TRAPPC9: variants seen among roughly 807,000 people sequenced by gnomAD.
TRAPPC9 encodes trafficking protein particle complex subunit 9, also known as IKK2 binding protein.
Under a neutral mutation model 124.0 loss-of-function variants are expected in TRAPPC9, and 83 were observed. That is an observed-to-expected ratio of 0.67 (90% CI 0.56 to 0.80). The LOEUF (loss-of-function observed/expected upper bound fraction) is 0.80, where lower values mean the gene tolerates loss of function less well. Ranked by LOEUF, TRAPPC9 falls within the 30% of genes least tolerant of loss-of-function variation. The probability of loss-of-function intolerance (pLI) is 0.00; values close to 1 mark genes in which losing one functional copy is unlikely to be tolerated. For missense variants in TRAPPC9, 1,302 were observed against 1,508.3 expected, an observed-to-expected ratio of 0.86 and a Z score of 2.27; for synonymous variants, 638 against 617.5, an observed-to-expected ratio of 1.03 and a Z score of -0.49.
intron 6 of TRAPPC9, among the ~76,000 whole-genome samples, chr8:140,401,748 C>CT (rs1297561199): frequency 1.3e-5 from 2 of 152,016 alleles, no homozygotes; most frequent in African/African-American, 4.8e-5. Flanking sequence ...TTCAGCCTCA[C>CT]TGGTACCTGA....
intron 20 of TRAPPC9, among the ~76,000 whole-genome samples, chr8:139,886,594 C>T (rs771598550): frequency 2.0e-5 from 3 of 152,208 alleles, no homozygotes; most frequent in Non-Finnish European, 4.4e-5. Context: ...CCTTTTCCTA[C>T]ATAAGTTAAA....
At chr8:139,864,269 CAT>C (rs892188948) in intron 21 of TRAPPC9, among the ~76,000 whole-genome samples, 1 of 152,192 alleles carries the variant, frequency 6.6e-6, no homozygotes, top group Non-Finnish European at 1.5e-5. Context: ...CTACCAACAA[CAT>C]ATGTTTTCTC....
intron 16 of TRAPPC9, among the ~76,000 whole-genome samples, chr8:140,224,066 C>T (rs1378630014): frequency 6.6e-6 from 1 of 152,166 alleles, no homozygotes; most frequent in Non-Finnish European, 1.5e-5. Context: ...TGATCAAGCA[C>T]TTAAGAGCAG....
In TRAPPC9 at chr8:139,944,144, G is replaced by C. The variant is rs1474903647; in HGVS notation, c.2811-33844C>G. On this transcript the variant is annotated intron_variant, in intron 19 of 22. Coordinates refer to ENST00000438773, the MANE Select transcript of TRAPPC9 (RefSeq NM_001160372.4). ...ATGAAAATATCCCTCAGAAATGAAA[G>C]CAAAATAAAAACATTTCAGATTAAA... is the stretch of plus-strand genomic sequence containing the variant. 3.9e-5 allele frequency among the ~76,000 whole-genome samples: 6 copies of C among 152,060 alleles called. No homozygotes were observed. In the East Asian group the frequency reaches 1.2e-3, roughly 29 times the overall value.
chr8:140,067,123 T>C (rs1842930349), intron 17 of TRAPPC9, among the ~76,000 whole-genome samples: 1 of 152,128 alleles, frequency 6.6e-6, no homozygotes, highest in South Asian at 2.1e-4. Flanking sequence ...ACCCATTTCT[T>C]TCTAATTCAA....
chr8:140,314,470 C>A (rs1049656334), intron 9 of TRAPPC9, among the ~76,000 whole-genome samples: 1 of 152,168 alleles, frequency 6.6e-6, no homozygotes, highest in Non-Finnish European at 1.5e-5. Context: ...ATTCAAATTC[C>A]TCTCTTCTAG....
chr8:140,217,925 A>G (rs2063235320), intron 17 of TRAPPC9, among the ~76,000 whole-genome samples: 2 of 152,122 alleles, frequency 1.3e-5, no homozygotes, highest in South Asian at 4.1e-4. Context: ...GCTGAGGCAC[A>G]AGAATCACTT....
intron 18 of TRAPPC9, among the ~76,000 whole-genome samples, chr8:139,994,871 G>C (rs1563674054): frequency 6.6e-6 from 1 of 151,848 alleles, no homozygotes. Flanking sequence ...GAGTGGTGTA[G>C]GAGTAAAAAC....
chr8:139,977,714 T>G (rs1836580851), intron 19 of TRAPPC9, among the ~76,000 whole-genome samples: 2 of 151,096 alleles, frequency 1.3e-5, no homozygotes, highest in South Asian at 4.2e-4. Context: ...GGAGTCTCAC[T>G]CTGTTGCCCA....
At chr8:139,863,746 C>T (rs888009500) in intron 21 of TRAPPC9, among the ~76,000 whole-genome samples, 1 of 152,242 alleles carries the variant, frequency 6.6e-6, no homozygotes, top group Non-Finnish European at 1.5e-5. Flanking sequence ...GGGACAACCC[C>T]GAACATCACC....
chr8:140,034,452 G>C, intron 17 of TRAPPC9, among the ~76,000 whole-genome samples: 1 of 152,202 alleles, frequency 6.6e-6, no homozygotes, highest in East Asian at 1.9e-4. Context: ...CAGGCTGGCT[G>C]CACCTCCTCA....
chr8:140,374,501 C>T (rs1053779474), intron 7 of TRAPPC9, among the ~76,000 whole-genome samples: 4 of 151,602 alleles, frequency 2.6e-5, no homozygotes, highest in Middle Eastern at 3.4e-3. Context: ...ACCCAGGAGG[C>T]GGAGGTTGCA....
intron 19 of TRAPPC9, among the ~76,000 whole-genome samples, chr8:139,977,837 C>T (rs563028482): frequency 2.6e-5 from 4 of 151,756 alleles, no homozygotes; most frequent in South Asian, 2.1e-4. Context: ...TGTGCCACCA[C>T]GCCCGGCTAA....
chr8:139,928,721 A>G (rs887969363), intron 19 of TRAPPC9, among the ~76,000 whole-genome samples: 5 of 151,230 alleles, frequency 3.3e-5, no homozygotes, highest in South Asian at 2.2e-4. Context: ...TGCTGGCCAC[A>G]GTGTCTTGCC....
intron 19 of TRAPPC9, among the ~76,000 whole-genome samples, chr8:139,929,998 G>A (rs1833041403): frequency 1.3e-5 from 2 of 152,222 alleles, no homozygotes; most frequent in African/African-American, 4.8e-5. Context: ...ATCAATATAC[G>A]TGTTTGGCAC....
intron 21 of TRAPPC9, among the ~76,000 whole-genome samples, chr8:139,849,334 G>A (rs1827300490): frequency 6.6e-6 from 1 of 152,208 alleles, no homozygotes; most frequent in South Asian, 2.1e-4. Flanking sequence ...ATTTGCCACT[G>A]GGGCTGTCCC....
chr8:140,380,654 C>CAAAA (rs563391017), intron 7 of TRAPPC9, among the ~76,000 whole-genome samples: 10 of 48,592 alleles, frequency 2.1e-4, no homozygotes, highest in Admixed American at 2.7e-4. Flanking sequence ...GACTCTGTCT[C>CAAAA]AAAAAAAAAA....
chr8:140,126,567 C>T lies in TRAPPC9; in HGVS notation c.2556+94892G>A, dbSNP rs114344676. On this transcript the variant is annotated intron_variant, in intron 17 of 22. Coordinates refer to ENST00000438773, the MANE Select transcript of TRAPPC9 (RefSeq NM_001160372.4). ...TTCGTCTGCAGTTGAATACAAGCAG[C>T]ACAATGATCCTGAAATTAAATGACA... is the stretch of plus-strand genomic sequence containing the variant. Among the ~76,000 whole-genome samples, 222 of 152,318 alleles carry T rather than the reference C, an allele frequency of 1.5e-3. 1 individual carries two copies. Among genetic ancestry groups the T allele is most frequent in the African/African-American group, 4.5e-3 (186 of 41,560 alleles).
At chr8:140,142,113 T>C (rs1428500248) in intron 17 of TRAPPC9, among the ~76,000 whole-genome samples, 1 of 152,220 alleles carries the variant, frequency 6.6e-6, no homozygotes, top group Non-Finnish European at 1.5e-5. Flanking sequence ...TAAATATACC[T>C]ATTAGCAGCC....
Sources: gnomAD v4.1 joint callset for allele counts (sites outside exome capture counted in the v4.1 genomes callset) on GRCh38, gnomAD v4.1.1 for gene constraint, MANE v1.5 for transcripts, NCBI Gene and HGNC (gene_info 2026-07-23, HGNC 2026-07-21) for gene names.